The following FAF1 variants were observed in gnomAD, a reference collection of about 807,000 sequenced individuals.
FAF1 encodes Fas associated factor 1.
A neutral mutation model predicts 92.5 loss-of-function variants in FAF1; 25 were observed. The ratio of observed to expected loss-of-function variants is 0.27; its 90% CI spans 0.20 to 0.38. FAF1 has a LOEUF of 0.38. FAF1 is among the 10% of genes least tolerant of loss of function. The pLI, the probability that FAF1 is intolerant of heterozygous loss-of-function variation, is 1.00. For synonymous variants in FAF1, 234 were observed against 273.2 expected (o/e 0.86, Z 1.42); for missense variants, 636 against 793.3 (o/e 0.80, Z 2.38).
intron 4 of FAF1, among the ~76,000 whole-genome samples, chr1:50,778,460 AACTT>A (rs1441991720): frequency 6.6e-6 from 1 of 152,192 alleles, no homozygotes; most frequent in Non-Finnish European, 1.5e-5. Context: ...ACTCTCCAAA[AACTT>A]ACTAATAGCC....
rs563966583 is a variant in FAF1, at chr1:50,530,293, A to G, written c.1494+5076T>C. Among the ~76,000 whole-genome samples, 294 of 144,004 alleles carry G rather than the reference A, an allele frequency of 2.0e-3. 3 individuals are homozygous for G. The highest frequency in any genetic ancestry group is 7.2e-3 in the African/African-American group (287 of 40,112). The allele number at this position is 144,004 out of a possible 152,430, so 94.5% of individuals were successfully genotyped here. ...TGTGTGTGTATGTATATATGTATAT[A>G]TGTATGAGTGTGTGTGTGTGTATTT... On this transcript the variant is annotated intron_variant, in intron 15 of 18. Coordinates refer to ENST00000396153, the MANE Select transcript of FAF1 (RefSeq NM_007051.3).
At chr1:50,819,895 T>A (rs979838344) in intron 2 of FAF1, among the ~76,000 whole-genome samples, 4 of 146,444 alleles carry the variant, frequency 2.7e-5, no homozygotes, top group African/African-American at 7.5e-5. Flanking sequence ...GTAAATATAT[T>A]TATATATTTA....
rs1644298397 is a variant in FAF1, at chr1:50,846,285, C to T, written c.114+11644G>A. On this transcript the variant is annotated intron_variant, in intron 2 of 18. Transcript: ENST00000396153. ...AAAGAAAAAGTACATTTGCAAGTGA[C>T]AAGCTGTCATCAGAAACAGACTCAT... Among the ~76,000 whole-genome samples the T allele has an allele frequency of 2.0e-5, 3 of 151,830 alleles. No homozygotes were observed. In the South Asian group the frequency reaches 6.3e-4, roughly 32 times the overall value.
intron 8 of FAF1, among the ~76,000 whole-genome samples, chr1:50,649,788 A>G (rs77682744): frequency 3.3e-5 from 5 of 150,318 alleles, no homozygotes; most frequent in Admixed American, 2.0e-4. Context: ...AAAACTACAA[A>G]AAAAAAAAAA....
intron 3 of FAF1, among the ~76,000 whole-genome samples, 165 bp from the exon 4 acceptor site, chr1:50,788,370 C>T (rs1050944199): frequency 1.3e-5 from 2 of 152,190 alleles, no homozygotes; most frequent in African/African-American, 4.8e-5. Context: ...AAAATCTTTC[C>T]CATTGACTGA....
At chr1:50,612,117 T>C (rs1652713007) in intron 8 of FAF1, among the ~76,000 whole-genome samples, 1 of 152,206 alleles carries the variant, frequency 6.6e-6, no homozygotes, top group African/African-American at 2.4e-5. Context: ...GAAAAGTGCA[T>C]TATTAGAAAT....
At chr1:50,568,394 T>C (rs971146372) in intron 12 of FAF1, among the ~76,000 whole-genome samples, 3 of 152,134 alleles carry the variant, frequency 2.0e-5, no homozygotes, top group African/African-American at 7.2e-5. Context: ...CTCATGCTGA[T>C]GAAAGGCTAA....
intron 7 of FAF1, among the ~76,000 whole-genome samples, chr1:50,678,861 C>A (rs570030351): frequency 5.6e-5 from 8 of 143,804 alleles, no homozygotes; most frequent in East Asian, 2.1e-4. Flanking sequence ...CCGAGGCAGG[C>A]GGATCACGAG....
intron 8 of FAF1, among the ~76,000 whole-genome samples, chr1:50,608,007 A>G (rs1343598968): frequency 6.6e-6 from 1 of 152,258 alleles, no homozygotes; most frequent in South Asian, 2.1e-4. Flanking sequence ...GTGGCAGTGT[A>G]CAACAGTAGC....
At chr1:50,620,758 T>C (rs1396012001) in intron 8 of FAF1, among the ~76,000 whole-genome samples, 1 of 152,260 alleles carries the variant, frequency 6.6e-6, no homozygotes, top group Non-Finnish European at 1.5e-5. Flanking sequence ...CAGTAGATGG[T>C]GCTTAAGAGT....
chr1:50,577,800 T>A (rs141275142), intron 12 of FAF1, among the ~76,000 whole-genome samples: 1 of 152,278 alleles, frequency 6.6e-6, no homozygotes, highest in Non-Finnish European at 1.5e-5. Flanking sequence ...CAGTACATTA[T>A]CAGAAGTCAA....
chr1:50,885,342 T>TCCCC (rs138529130), intron 1 of FAF1, among the ~76,000 whole-genome samples: 164 of 140,840 alleles, frequency 1.2e-3, no homozygotes, highest in Non-Finnish European at 2.0e-3. Flanking sequence ...TCTCTCTCTC[T>TCCCC]CAATATTTGC....
chr1:50,756,769 G>C (rs897898831), intron 4 of FAF1, among the ~76,000 whole-genome samples: 11 of 152,170 alleles, frequency 7.2e-5, no homozygotes, highest in African/African-American at 2.7e-4. Context: ...ATGGCAGCAG[G>C]CAAAGAGAGA....
intron 17 of FAF1, among the ~76,000 whole-genome samples, chr1:50,485,861 A>G (rs542503350): frequency 1.5e-4 from 23 of 151,400 alleles, no homozygotes; most frequent in South Asian, 6.3e-4. Context: ...GTGGCAGGGG[A>G]GAGAGAGAGA....
chr1:50,934,318 T>C (rs1201581893), intron 1 of FAF1, among the ~76,000 whole-genome samples: 1 of 152,198 alleles, frequency 6.6e-6, no homozygotes, highest in Non-Finnish European at 1.5e-5. Flanking sequence ...ATGTCTTCTG[T>C]AGATCCATAT....
chr1:50,743,766 C>T (rs1659481059), intron 5 of FAF1, among the ~76,000 whole-genome samples: 1 of 151,998 alleles, frequency 6.6e-6, no homozygotes, highest in Non-Finnish European at 1.5e-5. Flanking sequence ...TCTCCACTCT[C>T]TCTGGAAGAA....
intron 18 of FAF1, among the ~76,000 whole-genome samples, chr1:50,447,471 T>A (rs1158946008): frequency 6.6e-6 from 1 of 152,202 alleles, no homozygotes. Context: ...AGTTCCAGCA[T>A]CTTAAAGGCA....
chr1:50,928,760 G>A (rs1030208530), intron 1 of FAF1, among the ~76,000 whole-genome samples: 1 of 121,834 alleles, frequency 8.2e-6, no homozygotes, highest in African/African-American at 3.2e-5. Flanking sequence ...TCCAGCCCAG[G>A]CAACAGTGCG....
At chr1:50,665,336 A>G (rs1259925924) in intron 7 of FAF1, among the ~76,000 whole-genome samples, 1 of 152,226 alleles carries the variant, frequency 6.6e-6, no homozygotes, top group African/African-American at 2.4e-5. Context: ...GAAGCAATAT[A>G]CTAGTTAATC....
Sources: allele counts gnomAD v4.1 joint callset (sites outside exome capture counted in the v4.1 genomes callset), GRCh38; gene constraint gnomAD v4.1.1; transcripts MANE v1.5; gene names NCBI Gene and HGNC (gene_info 2026-07-23, HGNC 2026-07-21).